GPC5: variants seen among roughly 807,000 people sequenced by gnomAD.
The protein encoded by GPC5 is glypican 5.
Under a neutral mutation model 53.9 loss-of-function variants are expected in GPC5, and 47 were observed. That is an observed-to-expected ratio of 0.87 (90% confidence interval 0.69 to 1.11). The LOEUF (loss-of-function observed/expected upper bound fraction) is 1.11, where lower values mean the gene tolerates loss of function less well. Among genes scored for constraint, GPC5 ranks in the 50% most tolerant of loss-of-function variants. The pLI is 0.00. For synonymous variants in GPC5, 286 were observed against 263.3 expected, an observed-to-expected ratio of 1.09 and a Z score of -0.84; for missense variants, 748 against 713.1, an observed-to-expected ratio of 1.05 and a Z score of -0.56.
intron 6 of GPC5, among the ~76,000 whole-genome samples, chr13:91,958,083 G>T (rs2040090960): frequency 1.3e-5 from 2 of 151,358 alleles, no homozygotes; most frequent in African/African-American, 4.9e-5. Context: ...ATATAGACTG[G>T]TTGATTTTTT....
chr13:91,849,396 G>C (rs553223044), intron 5 of GPC5, among the ~76,000 whole-genome samples: 26 of 152,224 alleles, frequency 1.7e-4, no homozygotes, highest in African/African-American at 6.3e-4. Flanking sequence ...TCCATCCATT[G>C]CCAATAAACC....
At chr13:92,386,632 T>C (rs1273713360) in intron 7 of GPC5, among the ~76,000 whole-genome samples, 1 of 152,046 alleles carries the variant, frequency 6.6e-6, no homozygotes, top group Non-Finnish European at 1.5e-5. Context: ...TCCATCCTCT[T>C]TTGAAGGGTG....
intron 7 of GPC5, among the ~76,000 whole-genome samples, chr13:92,399,392 C>A (rs1451805877): frequency 6.6e-6 from 1 of 151,990 alleles, no homozygotes; most frequent in African/African-American, 2.4e-5. Context: ...CTGGATAGTC[C>A]CTTCATAGAA....
At chr13:92,680,305 A>G (rs900481577) in intron 7 of GPC5, among the ~76,000 whole-genome samples, 5 of 152,142 alleles carry the variant, frequency 3.3e-5, no homozygotes, top group African/African-American at 1.2e-4. Flanking sequence ...TCATACCTAC[A>G]AAAGAGATTC....
At chr13:92,405,620 A>C (rs1027427576) in intron 7 of GPC5, among the ~76,000 whole-genome samples, 1 of 152,336 alleles carries the variant, frequency 6.6e-6, no homozygotes, top group East Asian at 1.9e-4. Flanking sequence ...TTTCAAGGCT[A>C]TCTTGTCCTT....
intron 7 of GPC5, among the ~76,000 whole-genome samples, chr13:92,732,197 CAA>C (rs1306632173): frequency 7.9e-5 from 12 of 151,472 alleles, no homozygotes; most frequent in Non-Finnish European, 1.8e-4. Context: ...TCTTTGGTTA[CAA>C]CTAAAGCTGT....
chr13:91,861,850 G>T lies in GPC5; in HGVS notation c.1281-46087G>T, dbSNP rs571087718. On this transcript the variant is annotated intron_variant, in intron 5 of 7. Transcript: ENST00000377067. ...GCAGAGCTTTTTTACTGAGTTATTT[G>T]TCTTACAGTAATTATCAATTTATAG... Among the ~76,000 whole-genome samples, 10 of 150,534 alleles carry T rather than the reference G, an allele frequency of 6.6e-5. No homozygotes were observed. In the East Asian group the frequency reaches 9.9e-4, roughly 15 times the overall value.
chr13:92,018,116 C>G (rs1215620060), intron 6 of GPC5, among the ~76,000 whole-genome samples: 1 of 151,968 alleles, frequency 6.6e-6, no homozygotes. Flanking sequence ...CTCAGAATTG[C>G]CAAATTCATT....
At chr13:91,697,558 G>C (rs959285745) in intron 3 of GPC5, among the ~76,000 whole-genome samples, 1 of 151,996 alleles carries the variant, frequency 6.6e-6, no homozygotes, top group African/African-American at 2.4e-5. Flanking sequence ...CTTTATGAAT[G>C]AGAAAAAATT....
At chr13:92,522,397 AG>A (rs1881092350) in intron 7 of GPC5, among the ~76,000 whole-genome samples, 2 of 152,364 alleles carry the variant, frequency 1.3e-5, no homozygotes, top group South Asian at 4.1e-4. Context: ...GACTGGATTA[AG>A]AAAATGTGGC....
At chr13:91,914,592 A>G (rs1389784695) in intron 6 of GPC5, among the ~76,000 whole-genome samples, 1 of 142,574 alleles carries the variant, frequency 7.0e-6, no homozygotes, top group African/African-American at 2.6e-5. Context: ...TCAGGCAGAG[A>G]TGAGAGACAC....
intron 7 of GPC5, among the ~76,000 whole-genome samples, chr13:92,497,604 A>G (rs1880024314): frequency 1.3e-5 from 2 of 152,092 alleles, no homozygotes; most frequent in Admixed American, 1.3e-4. Context: ...TTGATTCCAT[A>G]AGAAATTTAA....
chr13:92,279,300 C>T (rs2042896931), intron 7 of GPC5, among the ~76,000 whole-genome samples: 1 of 151,890 alleles, frequency 6.6e-6, no homozygotes, highest in Admixed American at 6.6e-5. Context: ...ATGGAATTTT[C>T]TTAATTTCTG....
At chr13:91,652,221 G>A (rs1033826340) in intron 2 of GPC5, among the ~76,000 whole-genome samples, 1 of 152,036 alleles carries the variant, frequency 6.6e-6, no homozygotes, top group Non-Finnish European at 1.5e-5. Flanking sequence ...TTAAATAAGC[G>A]TTCACCATGC....
At chr13:92,488,527 C>T (rs1396850126) in intron 7 of GPC5, among the ~76,000 whole-genome samples, 3 of 152,188 alleles carry the variant, frequency 2.0e-5, no homozygotes. Context: ...TAACTGCTGG[C>T]ATTTTTAATC....
At chr13:92,012,559 GA>G (rs1482183841) in intron 6 of GPC5, among the ~76,000 whole-genome samples, 1 of 152,068 alleles carries the variant, frequency 6.6e-6, no homozygotes, top group Non-Finnish European at 1.5e-5. Flanking sequence ...CCACTTAATT[GA>G]AGTAAATTAT....
At chr13:91,927,978 C>T (rs183629839) in intron 6 of GPC5, among the ~76,000 whole-genome samples, 174 of 152,268 alleles carry the variant, frequency 1.1e-3, no homozygotes, top group African/African-American at 4.1e-3. Context: ...CATACTCTTC[C>T]TATCAAAATC....
intron 6 of GPC5, among the ~76,000 whole-genome samples, chr13:91,943,940 C>A (rs2039951309): frequency 6.6e-6 from 1 of 152,020 alleles, no homozygotes; most frequent in African/African-American, 2.4e-5. Flanking sequence ...GCCTGTCTTT[C>A]ATGTTGATTA....
chr13:91,513,354 TTGTGTGTGTG>T (rs139449591), intron 2 of GPC5, among the ~76,000 whole-genome samples: 2 of 149,468 alleles, frequency 1.3e-5, no homozygotes, highest in Non-Finnish European at 3.0e-5. Flanking sequence ...TTGTTTTCAT[TTGTGTGTGTG>T]TGTGTGTGTG....
Sources: allele counts gnomAD v4.1 joint callset (sites outside exome capture counted in the v4.1 genomes callset), GRCh38; gene constraint gnomAD v4.1.1; transcripts MANE v1.5; gene names NCBI Gene and HGNC (gene_info 2026-07-23, HGNC 2026-07-21).